SLC6A12: variants seen among roughly 807,000 people sequenced by gnomAD.
SLC6A12 encodes sodium- and chloride-dependent betaine transporter.
Under a neutral mutation model 73.3 loss-of-function variants are expected in SLC6A12, and 50 were observed. That is an observed-to-expected ratio of 0.68 (90% CI 0.54 to 0.86). SLC6A12 has a LOEUF of 0.86. SLC6A12 is among the 40% of genes least tolerant of loss of function. The pLI is 0.00. For missense variants in SLC6A12, 648 were observed against 772.8 expected (o/e 0.84, Z 1.92); for synonymous variants, 304 against 309.2 (o/e 0.98, Z 0.18).
At position 191,157 on chromosome 12, in the gene SLC6A12, G is replaced by C; in HGVS notation, c.1756C>G (p.Pro586Ala). Reference sequence around the variant, plus strand: ...CGGCCAGCACTGCCATCCAAGCAGGGATGTTGCTTGGGCTGTGGCAGACTG... The same window carrying C: ...CGGCCAGCACTGCCATCCAAGCAGGCATGTTGCTTGGGCTGTGGCAGACTG... ...DSSLPQPKQH[P>A]CLDGSAGRNF... is the part of the protein sequence containing the mutation. The change falls in exon 16 of 16, where the codon CCC (proline) becomes GCC (alanine). Residue 586 changes from proline (P) to alanine (A), a missense_variant. Pro to Ala is a conservative substitution (Grantham distance 27, BLOSUM62 -1). Coordinates refer to ENST00000684302, the MANE Select transcript of SLC6A12 (RefSeq NM_001122848.3). The C allele has an allele frequency of 4.5e-6, 6 of 1,325,386 alleles. No homozygotes were observed. Among genetic ancestry groups the C allele is most frequent in the Non-Finnish European group, 5.9e-6 (6 of 1,024,888 alleles). 82.1% of individuals were successfully genotyped at this position (1,325,386 alleles called of 1,614,324 possible). A position where few individuals can be genotyped will look rare whatever the true frequency, so the allele number is the denominator to read the frequency against.
chr12:187,643 CACAGCACCCACTGCA>C (rs1939460942), downstream of SLC6A12, among the ~76,000 whole-genome samples: 1 of 134,162 alleles, frequency 7.5e-6, no homozygotes, highest in African/African-American at 3.2e-5. Flanking sequence ...AAACCACACA[CACAGCACCCACTGCA>C]CACAACGCGA....
chr12:205,282 A>G (rs909651981), intron 3 of SLC6A12, among the ~76,000 whole-genome samples: 1 of 152,040 alleles, frequency 6.6e-6, no homozygotes, highest in Non-Finnish European at 1.5e-5. Flanking sequence ...GAATCTGAAG[A>G]CCACACCCAG....
At chr12:205,274 A>C (rs951057888) in intron 3 of SLC6A12, among the ~76,000 whole-genome samples, 2 of 152,098 alleles carry the variant, frequency 1.3e-5, no homozygotes, top group African/African-American at 4.8e-5. Flanking sequence ...CAGGAATGGA[A>C]TCTGAAGACC....
intron 10 of SLC6A12, among the ~76,000 whole-genome samples, chr12:197,150 C>T (rs797745): frequency 0.15 from 1,435 of 9,346 alleles, 1 homozygote; most frequent in Non-Finnish European, 0.2. Context: ...TCCATCCATC[C>T]ATCCATCCAT....
Position 204,680 on chromosome 12 carries a change from T to C in SLC6A12, c.233A>G (p.Tyr78Cys). 5 of 1,613,982 alleles carry C rather than the reference T, an allele frequency of 3.1e-6. No homozygotes were observed. Among genetic ancestry groups the C allele is most frequent in the Non-Finnish European group, 4.2e-6 (5 of 1,179,988 alleles). ...GCCGCAGACAAAGAAGAAGATGAAGTAGGGGATGAAGAAGGCTCCTGCAGA... is the reference window on the plus strand; with the variant it reads ...GCCGCAGACAAAGAAGAAGATGAAGCAGGGGATGAAGAAGGCTCCTGCAGA... ...KNGGGAFFIPYFIFFFVCGIP... is the reference protein window; with the variant it reads ...KNGGGAFFIPCFIFFFVCGIP... Residue 78 changes from tyrosine to cysteine, a missense_variant, in exon 4 of 16, where the codon TAC (tyrosine) becomes TGC (cysteine). By Grantham distance (194) the Tyr-to-Cys change is radical. Transcript: ENST00000684302.
intron 15 of SLC6A12, 45 bp downstream of exon 15, chr12:192,433 C>G: frequency 1.3e-6 from 2 of 1,581,428 alleles, no homozygotes; most frequent in African/African-American, 1.3e-5. Context: ...TCCAGCCTCT[C>G]TCAGTGCCCT....
intron 14 of SLC6A12, 53 bp downstream of exon 14, chr12:193,224 C>A: frequency 7.7e-7 from 1 of 1,296,390 alleles, no homozygotes; most frequent in South Asian, 1.2e-5. Flanking sequence ...TCCCTCATCT[C>A]TGGAGTCTTC....
the SLC6A12 span, among the ~76,000 whole-genome samples, chr12:185,002 G>C: frequency 1.3e-5 from 2 of 152,050 alleles, no homozygotes; most frequent in African/African-American, 2.4e-5. Context: ...AACCAGGAAG[G>C]AAGCAAGGAT....
Position 198,608 on chromosome 12 carries a change from T to C in SLC6A12, c.846+189A>G. The C allele has an allele frequency of 1.4e-5, 8 of 563,932 alleles. No individual in the cohort carries two copies. The highest frequency in any genetic ancestry group is 2.4e-5 in the Non-Finnish European group (8 of 334,466). 34.9% of individuals were successfully genotyped at this position (563,932 alleles called of 1,614,324 possible). A position where few individuals can be genotyped will look rare whatever the true frequency, so the allele number is the denominator to read the frequency against. ...AAATTTTTTAAGAAAAAAAGTTATA[T>C]TTGAGTGGTGGAATTACAAGAGATT... On this transcript the variant is annotated intron_variant, in intron 8 of 15. Transcript: ENST00000684302. This position sits in a 1 kb window ranked among gnomAD's most constrained non-coding sequence, Gnocchi z 4.0.
At position 196,790 on chromosome 12, in the gene SLC6A12, A is replaced by G. The variant is rs748265978; in HGVS notation, c.1168T>C (p.Phe390Leu). The change falls in exon 11 of 16, where the codon TTC (phenylalanine) becomes CTC (leucine). Residue 390 changes from phenylalanine (F) to leucine (L), a missense_variant. Phe to Leu is a conservative substitution (Grantham distance 22). Transcript: ENST00000684302. Reference protein sequence around the residue: ...WSCLFFIMLIFLGLDSQFVCV... With the variant: ...WSCLFFIMLILLGLDSQFVCV... The stretch of plus-strand genomic sequence containing the variant: ...CGTACCTGGCTGTCCAGCCCTAGGA[A>G]TATGAGCATGATAAAGAACAGGCAG... 2 of 1,613,262 alleles carry G rather than the reference A, an allele frequency of 1.2e-6. No individual in the cohort carries two copies. Among genetic ancestry groups the G allele is most frequent in the Non-Finnish European group, 1.7e-6 (2 of 1,179,386 alleles).
At chr12:186,110 G>C (rs973809552), downstream of SLC6A12, among the ~76,000 whole-genome samples, 5 of 121,070 alleles carry the variant, frequency 4.1e-5, no homozygotes, top group African/African-American at 3.0e-4. Context: ...GGCTGTGGCA[G>C]AGAGGCAGGA....
chr12:187,319 A>G (rs977971367), downstream of SLC6A12, among the ~76,000 whole-genome samples: 1 of 151,952 alleles, frequency 6.6e-6, no homozygotes, highest in East Asian at 1.9e-4. Flanking sequence ...GCGTGTCCGG[A>G]GTTTGTTCCT....
chr12:199,109 T>G, intron 7 of SLC6A12, 178 bp from the exon 8 acceptor site: 5 of 289,940 alleles, frequency 1.7e-5, no homozygotes, highest in Non-Finnish European at 1.4e-5. Flanking sequence ...GGGTCTGTGC[T>G]CCCCCCAGGG....
intron 3 of SLC6A12, among the ~76,000 whole-genome samples, chr12:207,360 C>T (rs895588798): frequency 1.1e-4 from 16 of 152,246 alleles, no homozygotes; most frequent in Non-Finnish European, 2.1e-4. Flanking sequence ...GCTGCATGCT[C>T]TTTCCTGAAC....
intron 3 of SLC6A12, 88 bp from the exon 4 acceptor site, chr12:204,786 G>A (rs944929684): frequency 5.9e-5 from 85 of 1,442,966 alleles, no homozygotes; most frequent in Middle Eastern, 5.2e-4. Flanking sequence ...CAACAAACCC[G>A]CCCTCCACCA....
rs2137228786 is a variant in SLC6A12 at position 213,465 on chromosome 12, C to A, written c.-143+457G>T. ...TTCCTCCTGGGAGGCGCCTGGCACC[C>A]AGCTCGTCACGCTCAGCCGGCAGGC... On this transcript the variant is annotated intron_variant, in intron 1 of 15. Transcript: ENST00000684302. The surrounding 1 kb of genome is among the most constrained non-coding windows in gnomAD (Gnocchi z 5.3). 2 of 152,746 alleles carry A rather than the reference C, an allele frequency of 1.3e-5. No homozygotes were observed. The highest frequency in any genetic ancestry group is 2.9e-5 in the Non-Finnish European group (2 of 68,218). 9.5% of individuals were successfully genotyped at this position (152,746 alleles called of 1,614,324 possible).
At chr12:204,783 C>T (rs1940542000) in intron 3 of SLC6A12, 85 bp from the exon 4 acceptor site, 2 of 1,477,026 alleles carry the variant, frequency 1.4e-6, no homozygotes, top group Non-Finnish European at 9.3e-7. Flanking sequence ...CCCCAACAAA[C>T]CCGCCCTCCA....
chr12:193,505 G>C (rs1301140723), intron 13 of SLC6A12, 128 bp from the exon 14 acceptor site: 1 of 642,024 alleles, frequency 1.6e-6, no homozygotes, highest in African/African-American at 1.8e-5. Context: ...ACTGGAACAG[G>C]GCACGTGAGT....
In SLC6A12 at chr12:200,662, A is replaced by T; in HGVS notation, c.700T>A (p.Ser234Thr). 2 of 1,614,030 alleles carry T rather than the reference A, an allele frequency of 1.2e-6. No individual in the cohort carries two copies. Among genetic ancestry groups the T allele is most frequent in the Non-Finnish European group, 1.7e-6 (2 of 1,179,958 alleles). Reference sequence around the variant, plus strand: ...GCAGGACATCTCACCTTGCCTGTGGACTTGACCCCCTTCCAGATGCAGAAA... The same window carrying T: ...GCAGGACATCTCACCTTGCCTGTGGTCTTGACCCCCTTCCAGATGCAGAAA... ...CYFCIWKGVK[S>T]TGKVVYFTAT... is the part of the protein sequence containing the mutation. The change falls in exon 7 of 16, where the codon TCC (serine) becomes ACC (threonine). Residue 234 changes from serine to threonine, a missense_variant. Ser to Thr is a moderately conservative substitution (Grantham distance 58). Coordinates refer to ENST00000684302, the MANE Select transcript of SLC6A12 (RefSeq NM_001122848.3).
Sources: allele counts gnomAD v4.1 joint callset (sites outside exome capture counted in the v4.1 genomes callset), GRCh38; gene constraint gnomAD v4.1.1; non-coding constraint Gnocchi (gnomAD v3.1); transcripts MANE v1.5; gene names NCBI Gene and HGNC (gene_info 2026-07-23, HGNC 2026-07-21).